The following COLEC11 variants were observed in gnomAD, a reference collection of about 807,000 sequenced individuals.
COLEC11 encodes the protein collectin-11.
Under a neutral mutation model 27.3 loss-of-function variants are expected in COLEC11, and 20 were observed. The observed-to-expected ratio is 0.73, with a 90% CI of 0.51 to 1.06. The LOEUF is 1.06. COLEC11 is among the 50% of genes least tolerant of loss of function. The probability of loss-of-function intolerance (pLI) is 0.00; values close to 1 mark genes in which losing one functional copy is unlikely to be tolerated. For missense variants in COLEC11, 310 were observed against 383.0 expected, an observed-to-expected ratio of 0.81 and a Z score of 1.59; for synonymous variants, 163 against 154.7, an observed-to-expected ratio of 1.05 and a Z score of -0.40.
chr2:3,609,352 ATTTTTTTTTTTTTT>A (rs567474674), intron 2 of COLEC11, among the ~76,000 whole-genome samples: 119 of 87,492 alleles, frequency 1.4e-3, no homozygotes, highest in African/African-American at 4.7e-3. Context: ...TTTTTCTTTG[ATTTTTTTTTTTTTT>A]TTTTTTTTTT....
intron 3 of COLEC11, among the ~76,000 whole-genome samples, chr2:3,635,594 G>C (rs537075526): frequency 1.3e-5 from 2 of 152,318 alleles, no homozygotes; most frequent in African/African-American, 4.8e-5. Flanking sequence ...CAGTTGCTGG[G>C]CCGCTGTCCC....
intron 1 of COLEC11, among the ~76,000 whole-genome samples, chr2:3,595,423 G>C (rs1399908647): frequency 6.6e-6 from 1 of 152,242 alleles, no homozygotes; most frequent in African/African-American, 2.4e-5. Context: ...AGAGGTGCTG[G>C]ATGATGGAGT....
At chr2:3,643,368 G>C (rs1666011151) in intron 5 of COLEC11, 76 bp from the exon 6 acceptor site, 3 of 1,226,286 alleles carry the variant, frequency 2.4e-6, no homozygotes, top group East Asian at 4.7e-5. Context: ...GTGCATTTCC[G>C]GGGAGGGGTC....
rs553288309 is a variant in COLEC11, at chr2:3,632,423, G to A, written c.203-5110G>A. Reference sequence around the variant, plus strand: ...GCTGGAAGTCAGGGATCCGGGTGCCGGCAGGGCTGCTGCTCCTGAGGCTGC... The same window carrying A: ...GCTGGAAGTCAGGGATCCGGGTGCCAGCAGGGCTGCTGCTCCTGAGGCTGC... On this transcript the variant is annotated intron_variant, in intron 3 of 6. Coordinates refer to ENST00000349077, the MANE Select transcript of COLEC11 (RefSeq NM_024027.5). 4.3e-4 allele frequency among the ~76,000 whole-genome samples: 65 copies of A among 152,312 alleles called. 1 individual carries two copies. The highest frequency in any genetic ancestry group is 1.3e-3 in the African/African-American group (56 of 41,566).
chr2:3,639,938 G>A (rs1268232267), intron 4 of COLEC11, among the ~76,000 whole-genome samples: 5 of 152,072 alleles, frequency 3.3e-5, no homozygotes, highest in South Asian at 2.1e-4. Flanking sequence ...GAGAGAGGTC[G>A]GGTGCTGCTG....
intron 3 of COLEC11, among the ~76,000 whole-genome samples, chr2:3,628,966 T>G (rs1433773138): frequency 6.6e-6 from 1 of 152,130 alleles, no homozygotes; most frequent in Admixed American, 6.5e-5. Flanking sequence ...AGGGAAGGGA[T>G]CCAGGGGCAT....
At chr2:3,633,552 G>A (rs918219590) in intron 3 of COLEC11, among the ~76,000 whole-genome samples, 1 of 152,198 alleles carries the variant, frequency 6.6e-6, no homozygotes, top group African/African-American at 2.4e-5. Flanking sequence ...TGCTGATTGT[G>A]AGGGTGCTGT....
At position 3,637,542 on chromosome 2, in the gene COLEC11, G is replaced by A; in HGVS notation, c.212G>A (p.Gly71Glu). 6.2e-7 allele frequency: 1 copy of A among 1,614,104 alleles called. No homozygotes were observed. The highest frequency in any genetic ancestry group is 8.5e-7 in the Non-Finnish European group (1 of 1,179,992). The change falls in exon 4 of 7, where the codon GGG becomes GAG. Residue 71 changes from glycine (G) to glutamate (E), a missense_variant. Coordinates refer to ENST00000349077, the MANE Select transcript of COLEC11 (RefSeq NM_024027.5). Reference sequence around the variant, plus strand: ...TTATTGTTTTCTACAGGAGACATGGGGGACAAAGGACAGAAAGGCAGTGTG... The same window carrying A: ...TTATTGTTTTCTACAGGAGACATGGAGGACAAAGGACAGAAAGGCAGTGTG... ...VGPTGEKGDM[G>E]DKGQKGSVGR...
chr2:3,607,073 C>T (rs1482621850), intron 2 of COLEC11, among the ~76,000 whole-genome samples: 2 of 152,094 alleles, frequency 1.3e-5, no homozygotes, highest in Admixed American at 1.3e-4. Context: ...CACGCGCCGC[C>T]CCCCCAACCC....
intron 3 of COLEC11, among the ~76,000 whole-genome samples, chr2:3,619,800 A>G (rs1444907889): frequency 6.6e-6 from 1 of 152,012 alleles, no homozygotes; most frequent in Non-Finnish European, 1.5e-5. Flanking sequence ...AAATTTTTGT[A>G]TTTTTAGTAG....
intron 2 of COLEC11, among the ~76,000 whole-genome samples, chr2:3,608,249 G>A (rs1572399840): frequency 1.3e-5 from 2 of 152,332 alleles, no homozygotes; most frequent in South Asian, 2.1e-4. Flanking sequence ...TTCTTTGAGC[G>A]AGGAGAGAGC....
At chr2:3,601,557 G>A (rs568387735) in intron 1 of COLEC11, among the ~76,000 whole-genome samples, 27 of 152,178 alleles carry the variant, frequency 1.8e-4, no homozygotes, top group Non-Finnish European at 3.1e-4. Flanking sequence ...GCCTTCCAAA[G>A]TGCTGGGATT....
chr2:3,639,242 T>C (rs1057429003), intron 4 of COLEC11, among the ~76,000 whole-genome samples: 1 of 152,262 alleles, frequency 6.6e-6, no homozygotes, highest in African/African-American at 2.4e-5. Flanking sequence ...TGTTGCCTTT[T>C]GTGAATAACG....
intron 3 of COLEC11, among the ~76,000 whole-genome samples, chr2:3,636,673 G>A (rs1665438157): frequency 6.6e-6 from 1 of 152,184 alleles, no homozygotes; most frequent in Admixed American, 6.5e-5. Context: ...ATGTCTGCTG[G>A]TTGGGTTGGT....
intron 1 of COLEC11, among the ~76,000 whole-genome samples, chr2:3,600,608 C>A (rs1348701178): frequency 6.6e-6 from 1 of 152,192 alleles, no homozygotes; most frequent in Non-Finnish European, 1.5e-5. Context: ...TGCTTAAACC[C>A]CGCCAGAGGA....
At chr2:3,603,678 C>T (rs1254290586) in intron 1 of COLEC11, 80 of 1,550,864 alleles carry the variant, frequency 5.2e-5, no homozygotes, top group Middle Eastern at 1.7e-4. Context: ...ACGTACCCGC[C>T]CCTCCTGGGA....
chr2:3,637,655 C>T (rs749608511), intron 4 of COLEC11, 51 bp downstream of exon 4: 17 of 1,356,748 alleles, frequency 1.3e-5, no homozygotes, highest in East Asian at 2.3e-5. Flanking sequence ...CTAGGGTCAG[C>T]GTCTGGATAC....
rs146799557 is a variant in COLEC11, at chr2:3,602,699, C to G, written c.-26-1616C>G. Among the ~76,000 whole-genome samples, 91 of 152,328 alleles carry G rather than the reference C, an allele frequency of 6.0e-4. No homozygotes were observed. Among genetic ancestry groups the G allele is most frequent in the African/African-American group, 2.1e-3 (89 of 41,576 alleles). On this transcript the variant is annotated intron_variant, in intron 1 of 6. Transcript: ENST00000349077. The surrounding 1 kb of genome is among the most constrained non-coding windows in gnomAD (Gnocchi z 6.2). ...CCTCTGTCTCATACAGAGCAACCCC[C>G]AAAGCTGCTGGGCGCCGGCTCCTGT...
chr2:3,631,213 A>C lies in COLEC11; in HGVS notation c.203-6320A>C, dbSNP rs113473077. On this transcript the variant is annotated intron_variant, in intron 3 of 6. Transcript: ENST00000349077. ...ACTACTGCACTCCAGCCTGCACGAC[A>C]GAGCAAGACTCTGTATCAAAAAAAA... 6.8e-3 allele frequency among the ~76,000 whole-genome samples: 1,042 copies of C among 152,244 alleles called. 9 individuals carry two copies. The highest frequency in any genetic ancestry group is 0.024 in the African/African-American group (993 of 41,532).
Sources: gnomAD v4.1 joint callset for allele counts (sites outside exome capture counted in the v4.1 genomes callset) on GRCh38, gnomAD v4.1.1 for gene constraint, Gnocchi (gnomAD v3.1) non-coding constraint, MANE v1.5 for transcripts, NCBI Gene and HGNC (gene_info 2026-07-23, HGNC 2026-07-21) for gene names.